Variants in AHCYL2 observed in about 807,000 individuals in gnomAD.
AHCYL2 encodes the protein adenosylhomocysteinase like 2.
Under a neutral mutation model 81.4 loss-of-function variants are expected in AHCYL2, and 28 were observed. The observed-to-expected ratio is 0.34, with a 90% CI of 0.25 to 0.47. The LOEUF (loss-of-function observed/expected upper bound fraction) is 0.47, where lower values mean the gene tolerates loss of function less well. Ranked by LOEUF, AHCYL2 falls within the 20% of genes least tolerant of loss-of-function variation. The pLI is 1.00. For missense variants in AHCYL2, 551 were observed against 785.1 expected (o/e 0.70, Z 3.56); for synonymous variants, 272 against 290.2 (o/e 0.94, Z 0.64).
At chr7:129,276,526 G>A (rs147044083) in intron 1 of AHCYL2, among the ~76,000 whole-genome samples, 78 of 151,856 alleles carry the variant, frequency 5.1e-4, no homozygotes, top group African/African-American at 1.8e-3. Context: ...TGAGGCAGGT[G>A]GATCACTTGA....
chr7:129,262,224 C>A lies in AHCYL2; in HGVS notation c.363+36785C>A, dbSNP rs917149097. 1.2e-4 allele frequency among the ~76,000 whole-genome samples: 19 copies of A among 152,082 alleles called. 1 individual carries two copies. The highest frequency in any genetic ancestry group is 3.6e-4 in the African/African-American group (15 of 41,392). On this transcript the variant is annotated intron_variant, in intron 1 of 16. Coordinates refer to ENST00000325006, the MANE Select transcript of AHCYL2 (RefSeq NM_015328.4). ...TTACTGTATAGCAAGAGCCGCTGGC[C>A]AGGATCAGAAAACATACTTTGAGGG...
chr7:129,367,640 C>T (rs1005281707), intron 1 of AHCYL2, among the ~76,000 whole-genome samples: 3 of 152,194 alleles, frequency 2.0e-5, no homozygotes, highest in African/African-American at 4.8e-5. Context: ...GAAACCCTGG[C>T]TGTCCTCTAA....
intron 4 of AHCYL2, among the ~76,000 whole-genome samples, chr7:129,392,090 G>A (rs772654551): frequency 6.6e-6 from 1 of 151,812 alleles, no homozygotes; most frequent in Non-Finnish European, 1.5e-5. Context: ...CACCTTTCAT[G>A]GTTCCCTTTC....
At chr7:129,319,657 A>C (rs183164234) in intron 1 of AHCYL2, among the ~76,000 whole-genome samples, 1 of 152,268 alleles carries the variant, frequency 6.6e-6, no homozygotes, top group Non-Finnish European at 1.5e-5. Context: ...ATTTGTTTGC[A>C]TTTTCTAGAA....
chr7:129,225,383 G>A lies in AHCYL2; in HGVS notation c.307G>A (p.Glu103Lys). The A allele has an allele frequency of 6.6e-7, 1 of 1,516,668 alleles. No individual in the cohort carries two copies. 94.0% of individuals were successfully genotyped at this position (1,516,668 alleles called of 1,614,324 possible). The change falls in exon 1 of 17, where the codon GAG becomes AAG. Residue 103 changes from glutamate to lysine, a missense_variant. By Grantham distance (56) the Glu-to-Lys change is moderately conservative. Coordinates refer to ENST00000325006, the MANE Select transcript of AHCYL2 (RefSeq NM_015328.4). The part of the protein sequence containing the change: ...HQHQRHRDGG[E>K]ALVSPDGTVT... ...GCACCAGCGGCACCGCGACGGCGGCGAGGCCCTGGTCAGCCCCGACGGCAC... is the reference window on the plus strand; with the variant it reads ...GCACCAGCGGCACCGCGACGGCGGCAAGGCCCTGGTCAGCCCCGACGGCAC...
intron 1 of AHCYL2, among the ~76,000 whole-genome samples, chr7:129,370,009 A>G (rs1322241895): frequency 1.3e-5 from 2 of 152,238 alleles, no homozygotes; most frequent in South Asian, 2.1e-4. Flanking sequence ...AATAACAAGA[A>G]GAGGGAAAAA....
intron 2 of AHCYL2, among the ~76,000 whole-genome samples, chr7:129,386,475 A>AC (rs1795209835): frequency 6.6e-6 from 1 of 151,424 alleles, no homozygotes; most frequent in Non-Finnish European, 1.5e-5. Flanking sequence ...AAAAAAAAAA[A>AC]GGGATCTTTG....
At chr7:129,285,137 C>G (rs756636349) in intron 1 of AHCYL2, among the ~76,000 whole-genome samples, 4 of 152,174 alleles carry the variant, frequency 2.6e-5, no homozygotes, top group Non-Finnish European at 5.9e-5. Context: ...ACAGCTTTTG[C>G]TTTCTCTCCC....
At position 129,428,292 on chromosome 7, in the gene AHCYL2, T is replaced by C. The variant is rs1035775275; in HGVS notation, c.*1247T>C. On this transcript the variant is annotated 3_prime_UTR_variant, in exon 17 of 17. Coordinates refer to ENST00000325006, the MANE Select transcript of AHCYL2 (RefSeq NM_015328.4). ...TTATGATTTAACCTCTTCCATTTGA[T>C]GATTCTGTATTTCAGAGTCAGTTTC... 2 of 152,234 alleles carry C rather than the reference T, an allele frequency of 1.3e-5. No homozygotes were observed. Among genetic ancestry groups the C allele is most frequent in the Non-Finnish European group, 2.9e-5 (2 of 68,038 alleles). 9.4% of individuals were successfully genotyped at this position (152,234 alleles called of 1,614,324 possible). A position where few individuals can be genotyped will look rare whatever the true frequency, so the allele number is the denominator to read the frequency against.
At chr7:129,314,440 C>CT (rs1294715908) in intron 1 of AHCYL2, among the ~76,000 whole-genome samples, 1 of 152,190 alleles carries the variant, frequency 6.6e-6, no homozygotes, top group African/African-American at 2.4e-5. Flanking sequence ...CTACCATAGA[C>CT]TGGGTGACTT....
At chr7:129,233,925 C>T (rs1794540913) in intron 1 of AHCYL2, among the ~76,000 whole-genome samples, 1 of 152,164 alleles carries the variant, frequency 6.6e-6, no homozygotes. Flanking sequence ...ATCTGGGACT[C>T]ATCTTTTTCT....
chr7:129,243,187 A>AT (rs892177077), intron 1 of AHCYL2, among the ~76,000 whole-genome samples: 24 of 149,706 alleles, frequency 1.6e-4, no homozygotes, highest in South Asian at 8.5e-4. Context: ...TGCCCAGCTA[A>AT]TTTTTTTTTG....
intron 6 of AHCYL2, among the ~76,000 whole-genome samples, chr7:129,401,519 G>T (rs761229794): frequency 6.6e-6 from 1 of 152,208 alleles, no homozygotes; most frequent in Admixed American, 6.5e-5. Context: ...TTGGTGCATG[G>T]CAGAGAAGTA....
intron 2 of AHCYL2, among the ~76,000 whole-genome samples, chr7:129,387,173 A>T (rs1795242299): frequency 6.6e-6 from 1 of 152,236 alleles, no homozygotes; most frequent in East Asian, 1.9e-4. Flanking sequence ...TAAAGCTCTA[A>T]ATAATTAATT....
intron 1 of AHCYL2, among the ~76,000 whole-genome samples, chr7:129,247,508 T>A (rs1795102897): frequency 6.6e-6 from 1 of 152,264 alleles, no homozygotes; most frequent in Admixed American, 6.5e-5. Flanking sequence ...TCCTAGTCTG[T>A]GGCTTGTCTT....
intron 8 of AHCYL2, 106 bp downstream of exon 8, chr7:129,405,319 T>C: frequency 1.6e-6 from 1 of 627,742 alleles, no homozygotes; most frequent in East Asian, 3.0e-5. Context: ...CTCTGGATAA[T>C]GTCTCCATAA....
intron 1 of AHCYL2, among the ~76,000 whole-genome samples, chr7:129,242,711 G>C (rs984821664): frequency 6.9e-6 from 1 of 144,054 alleles, no homozygotes; most frequent in African/African-American, 2.6e-5. Flanking sequence ...GTGAGACTCT[G>C]TCTCAGAAAA....
intron 1 of AHCYL2, among the ~76,000 whole-genome samples, chr7:129,355,537 T>C (rs1437956261): frequency 6.6e-6 from 1 of 152,234 alleles, no homozygotes; most frequent in African/African-American, 2.4e-5. Flanking sequence ...GCAAATTTAG[T>C]GTTCATGGCA....
In AHCYL2 at chr7:129,427,153, G is replaced by T; in HGVS notation, c.*108G>T. 1 of 1,170,532 alleles carries T rather than the reference G, an allele frequency of 8.5e-7. No individual in the cohort carries two copies. Among genetic ancestry groups the T allele is most frequent in the South Asian group, 1.3e-5 (1 of 77,000 alleles). The allele number at this position is 1,170,532 out of a possible 1,614,324, so 72.5% of individuals were successfully genotyped here. On this transcript the variant is annotated 3_prime_UTR_variant, in exon 17 of 17. Coordinates refer to ENST00000325006, the MANE Select transcript of AHCYL2 (RefSeq NM_015328.4). The surrounding 1 kb of genome is among the most constrained non-coding windows in gnomAD (Gnocchi z 5.5). ...GCTGCTTCTCCAATCAAAGCTGCCT[G>T]CCGTGCTCACCCTGTGTGTTAGGTT...
Sources: gnomAD v4.1 joint callset for allele counts (sites outside exome capture counted in the v4.1 genomes callset) on GRCh38, gnomAD v4.1.1 for gene constraint, Gnocchi (gnomAD v3.1) non-coding constraint, MANE v1.5 for transcripts, NCBI Gene and HGNC (gene_info 2026-07-23, HGNC 2026-07-21) for gene names.